The following ZDHHC24 variants were observed in gnomAD, a reference collection of about 807,000 sequenced individuals.
ZDHHC24 encodes the protein probable palmitoyltransferase ZDHHC24.
A neutral mutation model predicts 23.2 loss-of-function variants in ZDHHC24; 17 were observed. That is an observed-to-expected ratio of 0.73 (90% confidence interval 0.50 to 1.10). The LOEUF (loss-of-function observed/expected upper bound fraction) is 1.10, where lower values mean the gene tolerates loss of function less well. Among genes scored for constraint, ZDHHC24 ranks in the 50% least tolerant of loss-of-function variants. The pLI is 0.00. For synonymous variants in ZDHHC24, 186 were observed against 194.5 expected, an observed-to-expected ratio of 0.96 and a Z score of 0.36; for missense variants, 366 against 393.0, an observed-to-expected ratio of 0.93 and a Z score of 0.58.
chr11:66,531,511 C>A, downstream of ZDHHC24: 1 of 1,064,402 alleles, frequency 9.4e-7, no homozygotes, highest in Non-Finnish European at 1.5e-6. Flanking sequence ...CCCCACCACA[C>A]CTGCATCCTC....
Position 66,522,982 on chromosome 11 carries a change from C to T in ZDHHC24, c.*22-1516G>A, listed in dbSNP as rs769329600. ...AAAGTGGGAAAGACATTGGCGTGTGCTCCTCGAATAGAGAGGAACTAACTG... is the reference window on the plus strand; with the variant it reads ...AAAGTGGGAAAGACATTGGCGTGTGTTCCTCGAATAGAGAGGAACTAACTG... On this transcript the variant is annotated intron_variant, in intron 4 of 4. Coordinates refer to the ZDHHC24 transcript ENST00000526986. 1.6e-3 allele frequency: 573 copies of T among 366,240 alleles called. 3 individuals carry two copies. Among genetic ancestry groups the T allele is most frequent in the Admixed American group, 3.0e-3 (82 of 27,234 alleles). The allele number at this position is 366,240 out of a possible 1,614,324, so 22.7% of individuals were successfully genotyped here.
At chr11:66,523,633 G>A in intron 4 of ZDHHC24, 1 of 1,612,636 alleles carries the variant, frequency 6.2e-7, no homozygotes, top group Non-Finnish European at 8.5e-7. Context: ...CCCCCACTTG[G>A]CAAGAGAGTC....
chr11:66,539,437 G>C lies in ZDHHC24; in HGVS notation c.*92C>G. ...AGGGGTGGAGTTGTCCAATGCAGAT[G>C]TTAAGGTCCAACCCGACTTCCTTAC... is the stretch of plus-strand genomic sequence containing the variant. On this transcript the variant is annotated 3_prime_UTR_variant, in exon 3 of 3. Coordinates refer to ENST00000310442, the MANE Select transcript of ZDHHC24 (RefSeq NM_207340.3). 1 of 1,425,440 alleles carries C rather than the reference G, an allele frequency of 7.0e-7. No individual in the cohort carries two copies. The highest frequency in any genetic ancestry group is 1.4e-5 in the African/African-American group (1 of 69,586). 88.3% of individuals were successfully genotyped at this position (1,425,440 alleles called of 1,614,324 possible).
intron 2 of ZDHHC24, among the ~76,000 whole-genome samples, chr11:66,543,145 GA>G (rs1277565066): frequency 1.3e-5 from 2 of 152,128 alleles, no homozygotes; most frequent in Non-Finnish European, 2.9e-5. Context: ...GTAGATGGGG[GA>G]AGAGGAACAT....
At chr11:66,533,493 T>C (rs987195667), downstream of ZDHHC24, 4 of 152,222 alleles carry the variant, frequency 2.6e-5, no homozygotes, top group Non-Finnish European at 4.4e-5. Context: ...CCCTCCCCCA[T>C]CCCTAGTTAT....
At chr11:66,530,199 CAGAT>C (rs1354737321) in intron 2 of ZDHHC24, among the ~76,000 whole-genome samples, 2 of 152,158 alleles carry the variant, frequency 1.3e-5, no homozygotes, top group African/African-American at 2.4e-5. Context: ...CTCTCCAGCT[CAGAT>C]AGGCCCCCAG....
Position 66,545,928 on chromosome 11 carries a change from C to T in ZDHHC24, c.76G>A (p.Ala26Thr). 6.6e-7 allele frequency: 1 copy of T among 1,511,052 alleles called. No homozygotes were observed. The highest frequency in any genetic ancestry group is 8.8e-7 in the Non-Finnish European group (1 of 1,139,422). The allele number at this position is 1,511,052 out of a possible 1,614,324, so 93.6% of individuals were successfully genotyped here. A position where few individuals can be genotyped will look rare whatever the true frequency, so the allele number is the denominator to read the frequency against. ...GCCAGCTCCAGGCCCACGGCCGCGGCCCACAGCGCGGTGAGCACGAGAGGC... is the reference window on the plus strand; with the variant it reads ...GCCAGCTCCAGGCCCACGGCCGCGGTCCACAGCGCGGTGAGCACGAGAGGC... ...QLPLVLTALW[A>T]AAVGLELAYV... The change falls in exon 1 of 3, where the codon GCC (alanine) becomes ACC (threonine). Residue 26 changes from alanine (A) to threonine (T), a missense_variant. Transcript: ENST00000310442. This position sits in a 1 kb window ranked among gnomAD's most constrained non-coding sequence, Gnocchi z 4.5.
intron 4 of ZDHHC24, chr11:66,521,526 C>G: frequency 1.4e-6 from 1 of 709,430 alleles, no homozygotes; most frequent in Non-Finnish European, 2.5e-6. Context: ...CCCACAAACA[C>G]AGGGGAGGAT....
intron 2 of ZDHHC24, among the ~76,000 whole-genome samples, chr11:66,540,985 A>G (rs1030678778): frequency 6.6e-6 from 1 of 152,214 alleles, no homozygotes; most frequent in African/African-American, 2.4e-5. Context: ...AGGGAGGAAC[A>G]TGGAGGGACC....
intron 4 of ZDHHC24, chr11:66,523,350 C>T: frequency 6.7e-7 from 1 of 1,497,880 alleles, no homozygotes; most frequent in Non-Finnish European, 9.3e-7. Context: ...TGCTTTGGGG[C>T]CAGTGTTCCT....
intron 3 of ZDHHC24, chr11:66,527,025 GC>G: frequency 6.5e-7 from 1 of 1,536,296 alleles, no homozygotes; most frequent in Non-Finnish European, 8.7e-7. Context: ...GACAGCAAGA[GC>G]CCTTAGAATT....
Position 66,537,778 on chromosome 11 carries a change from A to G in ZDHHC24, c.*1751T>C, listed in dbSNP as rs762493529. On this transcript the variant is annotated 3_prime_UTR_variant, in exon 3 of 3. Coordinates refer to ENST00000310442, the MANE Select transcript of ZDHHC24 (RefSeq NM_207340.3). ...CTCGTCTCTACTAAAAATACAAAAA[A>G]TTAGCTTGGCGTGGTGGCAGGCACC... 1 of 151,382 alleles carries G rather than the reference A, an allele frequency of 6.6e-6. No homozygotes were observed. Among genetic ancestry groups the G allele is most frequent in the Non-Finnish European group, 1.5e-5 (1 of 67,680 alleles). The allele number at this position is 151,382 out of a possible 1,614,324, so 9.4% of individuals were successfully genotyped here.
Position 66,527,997 on chromosome 11 carries a change from G to A in ZDHHC24, c.737-991C>T, listed in dbSNP as rs974827630. ...TATAATCCCAGCTCTTTGGGAGGCC[G>A]AGGCAGGCAGATCACCTGAGGTCAG... On this transcript the variant is annotated intron_variant, in intron 3 of 4. Coordinates refer to the ZDHHC24 transcript ENST00000526986. Among the ~76,000 whole-genome samples the A allele has an allele frequency of 2.4e-4, 36 of 152,080 alleles. 1 individual carries two copies. Among genetic ancestry groups the A allele is most frequent in the Non-Finnish European group, 7.4e-5 (5 of 68,012 alleles).
chr11:66,527,729 C>G (rs1856582356), intron 3 of ZDHHC24: 1 of 150,824 alleles, frequency 6.6e-6, no homozygotes, highest in South Asian at 2.1e-4. Context: ...ACTCAGTCTA[C>G]CTGGGGCCAA....
chr11:66,529,235 T>G, intron 3 of ZDHHC24: 1 of 1,502,896 alleles, frequency 6.7e-7, no homozygotes, highest in Non-Finnish European at 8.9e-7. Flanking sequence ...AAGAGTCATG[T>G]GATCCTGCAA....
chr11:66,524,534 G>A (rs911316152), intron 4 of ZDHHC24, among the ~76,000 whole-genome samples: 2 of 152,184 alleles, frequency 1.3e-5, no homozygotes, highest in Non-Finnish European at 2.9e-5. Context: ...CACAGAACAA[G>A]TGACAGTTCA....
chr11:66,541,032 G>A (rs1275504484), intron 2 of ZDHHC24, among the ~76,000 whole-genome samples: 1 of 152,166 alleles, frequency 6.6e-6, no homozygotes. Context: ...GGATGAAAAT[G>A]TTCTGGAATT....
At chr11:66,529,353 G>A (rs1182122067) in exon 3 of ZDHHC24, 1 of 1,514,662 alleles carries the variant, frequency 6.6e-7, no homozygotes, top group Admixed American at 2.0e-5. Flanking sequence ...AGGTGTTGAT[G>A]GGACCTCCCT....
At position 66,529,919 on chromosome 11, in the gene ZDHHC24, G is replaced by A. The variant is rs751466006; in HGVS notation, c.560-431C>T. The A allele has an allele frequency of 2.4e-5, 38 of 1,605,258 alleles. No individual in the cohort carries two copies. Among genetic ancestry groups the A allele is most frequent in the Non-Finnish European group, 3.0e-5 (35 of 1,179,706 alleles). Reference sequence around the variant, plus strand: ...AGTCCAGCCTGAGCCCCCTGTCCACGACAGCCCGAGAGCCACTCAAGCTGC... The same window carrying A: ...AGTCCAGCCTGAGCCCCCTGTCCACAACAGCCCGAGAGCCACTCAAGCTGC... On this transcript the variant is annotated intron_variant, in intron 2 of 4. Transcript: ENST00000526986.
Sources: allele counts gnomAD v4.1 joint callset (sites outside exome capture counted in the v4.1 genomes callset), GRCh38; gene constraint gnomAD v4.1.1; non-coding constraint Gnocchi (gnomAD v3.1); transcripts MANE v1.5; gene names NCBI Gene and HGNC (gene_info 2026-07-23, HGNC 2026-07-21).